The following AFF4 variants were observed in gnomAD, a reference collection of about 807,000 sequenced individuals.
AFF4 encodes the protein ALF transcription elongation factor 4.
Under a neutral mutation model 124.8 loss-of-function variants are expected in AFF4, and 13 were observed. The ratio of observed to expected loss-of-function variants is 0.10; its 90% confidence interval spans 0.07 to 0.17. AFF4 has a LOEUF of 0.17. AFF4 is among the 10% of genes least tolerant of loss of function. AFF4 has a pLI of 1.00. For synonymous variants in AFF4, 477 were observed against 496.1 expected (o/e 0.96, Z 0.51); for missense variants, 1,092 against 1,403.8 (o/e 0.78, Z 3.55).
intron 1 of AFF4, among the ~76,000 whole-genome samples, chr5:132,941,847 A>C (rs1761576102): frequency 6.6e-6 from 1 of 151,984 alleles, no homozygotes; most frequent in Non-Finnish European, 1.5e-5. Flanking sequence ...TCCTCTACTA[A>C]AAATACAAAA....
intron 5 of AFF4, among the ~76,000 whole-genome samples, chr5:132,905,547 C>T (rs1760654379): frequency 6.6e-6 from 1 of 152,096 alleles, no homozygotes. Context: ...AAGAGGATGC[C>T]AAGACCATTA....
At chr5:132,897,440 G>T (rs762230632) in intron 10 of AFF4, among the ~76,000 whole-genome samples, 200 bp from the exon 11 acceptor site, 1 of 152,120 alleles carries the variant, frequency 6.6e-6, no homozygotes, top group East Asian at 1.9e-4. Flanking sequence ...GGCCAGGCAC[G>T]GTGGCTCACA....
chr5:132,904,518 G>GT lies in AFF4; in HGVS notation c.1051-115dup, dbSNP rs1242337894. On this transcript the variant is annotated intron_variant, in intron 5 of 20. Transcript: ENST00000265343. ...GTACTTGAAAAAGCACAGAAAGAAT[G>GT]TAATGATCCTGTCTGATCAGCCTTG... is the stretch of plus-strand genomic sequence containing the variant. 3.3e-6 allele frequency: 3 copies of GT among 903,156 alleles called. No individual in the cohort carries two copies. In the African/African-American group the frequency reaches 5.1e-5, roughly 15 times the overall value. 55.9% of individuals were successfully genotyped at this position (903,156 alleles called of 1,614,324 possible).
At chr5:132,885,599 T>A (rs1211184278) in intron 18 of AFF4, among the ~76,000 whole-genome samples, 1 of 151,996 alleles carries the variant, frequency 6.6e-6, no homozygotes, top group East Asian at 1.9e-4. Flanking sequence ...AAGAGACCCC[T>A]TGGGGCCAGG....
At chr5:132,881,741 C>T (rs1759983262) in intron 20 of AFF4, among the ~76,000 whole-genome samples, 1 of 151,902 alleles carries the variant, frequency 6.6e-6, no homozygotes, top group South Asian at 2.1e-4. Context: ...GGCTGGAGTG[C>T]AGTGGCGCGA....
chr5:132,886,212 G>T, intron 18 of AFF4, 98 bp downstream of exon 18: 2 of 981,840 alleles, frequency 2.0e-6, no homozygotes, highest in Non-Finnish European at 1.5e-6. Flanking sequence ...TCCTCCCCTG[G>T]TGTGTTTTGC....
Position 132,937,130 on chromosome 5 carries a change from T to C in AFF4, c.60A>G (p.Glu20=). The C allele has an allele frequency of 1.2e-6, 2 of 1,614,062 alleles. No homozygotes were observed. Among genetic ancestry groups the C allele is most frequent in the Non-Finnish European group, 1.7e-6 (2 of 1,180,008 alleles). ...RMKERERRNQ[E]IQQGEDAFPP... ...GGAAGGCGTCTTCGCCCTGCTGAAT[T>C]TCCTGATTCCGCCTTTCCCGTTCTT... Residue 20 remains glutamate, a synonymous_variant, in exon 2 of 21, where the codon GAA becomes GAG. Transcript: ENST00000265343.
intron 1 of AFF4, chr5:132,937,654 C>T (rs1382361979): frequency 6.6e-6 from 1 of 152,408 alleles, no homozygotes; most frequent in Admixed American, 6.5e-5. Context: ...TCTACCTTAT[C>T]TTGATTTCTT....
chr5:132,924,588 C>T (rs1456229939), intron 5 of AFF4, among the ~76,000 whole-genome samples: 1 of 152,126 alleles, frequency 6.6e-6, no homozygotes, highest in Non-Finnish European at 1.5e-5. Flanking sequence ...CGCGGTGGCT[C>T]ACGCCTGTTA....
intron 1 of AFF4, among the ~76,000 whole-genome samples, chr5:132,960,961 G>A (rs998339186): frequency 2.0e-5 from 3 of 152,114 alleles, no homozygotes; most frequent in African/African-American, 7.2e-5. Flanking sequence ...CAGTGCTCAT[G>A]CCTGTAATCC....
chr5:132,914,495 G>A (rs1410544329), intron 5 of AFF4, among the ~76,000 whole-genome samples: 3 of 151,864 alleles, frequency 2.0e-5, no homozygotes, highest in Non-Finnish European at 2.9e-5. Flanking sequence ...CAGCTACTCA[G>A]GAGGCTGAGG....
intron 5 of AFF4, among the ~76,000 whole-genome samples, chr5:132,914,177 G>A (rs564198960): frequency 1.3e-5 from 2 of 151,890 alleles, no homozygotes; most frequent in East Asian, 1.9e-4. Context: ...ACAATGATTC[G>A]AGATCTCACC....
Position 132,897,978 on chromosome 5 carries a change from A to T in AFF4, c.1389+252T>A, listed in dbSNP as rs573740019. Among the ~76,000 whole-genome samples, 4 of 152,370 alleles carry T rather than the reference A, an allele frequency of 2.6e-5. No individual in the cohort carries two copies. The East Asian group carries it at 7.7e-4, about 29-fold the overall frequency. On this transcript the variant is annotated intron_variant, in intron 10 of 20. Coordinates refer to ENST00000265343, the MANE Select transcript of AFF4 (RefSeq NM_014423.4). ...TCAATTACCATGTTGAGTCATAAAA[A>T]TAAAAGACCAAACTAAAGGTACACA...
chr5:132,937,489 T>C (rs1414975587), intron 1 of AFF4, among the ~76,000 whole-genome samples: 1 of 152,228 alleles, frequency 6.6e-6, no homozygotes, highest in African/African-American at 2.4e-5. Context: ...AACTTGTACA[T>C]TCAGAGGGAA....
chr5:132,923,909 C>A (rs1240576849), intron 5 of AFF4, among the ~76,000 whole-genome samples: 1 of 152,122 alleles, frequency 6.6e-6, no homozygotes, highest in Non-Finnish European at 1.5e-5. Context: ...TGCTCATCAA[C>A]AGGAAGCAAA....
At chr5:132,923,371 GGAGAGAGAGA>G (rs72156570) in intron 5 of AFF4, among the ~76,000 whole-genome samples, 7 of 148,358 alleles carry the variant, frequency 4.7e-5, no homozygotes, top group African/African-American at 1.3e-4. Context: ...AGGAAAGAAA[GGAGAGAGAGA>G]GAGAGAGAGA....
Position 132,911,847 on chromosome 5 carries a change from CA to C in AFF4, c.1051-7444del, listed in dbSNP as rs549644890. On this transcript the variant is annotated intron_variant, in intron 5 of 20. Coordinates refer to ENST00000265343, the MANE Select transcript of AFF4 (RefSeq NM_014423.4). Reference sequence around the variant, plus strand: ...GATTAAAAAAAAACTTAAAGACCGCCAAAAAAAAAAAAGGACATTTTACATA... The same window carrying C: ...GATTAAAAAAAAACTTAAAGACCGCCAAAAAAAAAAAGGACATTTTACATA... Among the ~76,000 whole-genome samples, 315 of 117,096 alleles carry C rather than the reference CA, an allele frequency of 2.7e-3. 3 individuals are homozygous for C. The highest frequency in any genetic ancestry group is 0.015 in the South Asian group (57 of 3,760). 76.8% of individuals were successfully genotyped at this position (117,096 alleles called of 152,430 possible).
intron 1 of AFF4, among the ~76,000 whole-genome samples, chr5:132,954,395 C>G (rs1451104815): frequency 2.0e-5 from 3 of 152,178 alleles, no homozygotes; most frequent in African/African-American, 7.2e-5. Context: ...CATGCTCAAA[C>G]CCCTTGTGGG....
intron 1 of AFF4, among the ~76,000 whole-genome samples, chr5:132,939,154 T>G (rs1472509248): frequency 6.7e-6 from 1 of 150,262 alleles, no homozygotes; most frequent in Non-Finnish European, 1.5e-5. Context: ...GAGGCAGAGG[T>G]TGCAGTGAGC....
Sources: gnomAD v4.1 joint callset for allele counts (sites outside exome capture counted in the v4.1 genomes callset) on GRCh38, gnomAD v4.1.1 for gene constraint, MANE v1.5 for transcripts, NCBI Gene and HGNC (gene_info 2026-07-23, HGNC 2026-07-21) for gene names.